Variants in CYP2C19 observed in about 807,000 individuals in gnomAD.
CYP2C19 encodes cytochrome P450 family 2 subfamily C member 19, also known as cytochrome P450 2C19.
In CYP2C19, 59 loss-of-function variants were observed where a neutral mutation model predicts 40.9. The observed-to-expected ratio is 1.44, with a 90% CI of 1.17 to 1.79. The LOEUF is 1.79. Among genes scored for constraint, CYP2C19 ranks in the 40% most tolerant of loss-of-function variants. The pLI is 0.00. For synonymous variants in CYP2C19, 253 were observed against 208.7 expected (o/e 1.21, Z -1.83); for missense variants, 754 against 596.9 (o/e 1.26, Z -2.74).
chr10:94,791,033 C>G (rs1848598951), intron 5 of CYP2C19, among the ~76,000 whole-genome samples: 1 of 152,090 alleles, frequency 6.6e-6, no homozygotes, highest in Non-Finnish European at 1.5e-5. Flanking sequence ...TAATTATTGC[C>G]TCAATTTCAG....
Position 94,818,613 on chromosome 10 carries a change from G to T in CYP2C19, c.820-1883G>T, listed in dbSNP as rs534359723. ...CTTGAAGAGGTCCTTCACATCCCTTGTAAGTTGGATTCCTAGGTATTTTAT... is the reference window on the plus strand; with the variant it reads ...CTTGAAGAGGTCCTTCACATCCCTTTTAAGTTGGATTCCTAGGTATTTTAT... On this transcript the variant is annotated intron_variant, in intron 5 of 8. Transcript: ENST00000371321. Among the ~76,000 whole-genome samples the T allele has an allele frequency of 2.3e-3, 331 of 145,398 alleles. 1 individual carries two copies. Among genetic ancestry groups the T allele is most frequent in the African/African-American group, 8.0e-3 (310 of 38,722 alleles).
Position 94,854,362 on chromosome 10 carries a change from A to G in CYP2C19, c.*1448A>G, listed in dbSNP as rs989348179. The stretch of plus-strand genomic sequence containing the variant: ...GAATTACCAGGGTTTAATCTTTTTC[A>G]GCTTCTCCTATATTGTTTTAGTTTT... On this transcript the variant is annotated 3_prime_UTR_variant, in exon 9 of 9. Transcript: ENST00000371321. 6.6e-6 allele frequency among the ~76,000 whole-genome samples: 1 copy of G among 152,060 alleles called. No homozygotes were observed. Among genetic ancestry groups the G allele is most frequent in the African/African-American group, 2.4e-5 (1 of 41,406 alleles).
At position 94,783,892 on chromosome 10, in the gene CYP2C19, C is replaced by T. The variant is rs369464084; in HGVS notation, c.819+1895C>T. On this transcript the variant is annotated intron_variant, in intron 5 of 8. Transcript: ENST00000371321. Reference sequence around the variant, plus strand: ...TAAATCTGTAGAACAGGGAGTTATGCCATTTTAAAAATTGAAGTAAAATTC... The same window carrying T: ...TAAATCTGTAGAACAGGGAGTTATGTCATTTTAAAAATTGAAGTAAAATTC... Among the ~76,000 whole-genome samples the T allele has an allele frequency of 1.6e-4, 25 of 152,170 alleles. No individual in the cohort carries two copies. In the South Asian group the frequency reaches 4.6e-3, roughly 28 times the overall value.
intron 1 of CYP2C19, among the ~76,000 whole-genome samples, chr10:94,771,759 A>G (rs747374956): frequency 1.3e-5 from 2 of 152,094 alleles, no homozygotes; most frequent in Non-Finnish European, 2.9e-5. Context: ...AGTTGCACTC[A>G]CTGATGCAGC....
At chr10:94,836,478 C>T (rs1484691922) in intron 6 of CYP2C19, among the ~76,000 whole-genome samples, 1 of 152,154 alleles carries the variant, frequency 6.6e-6, no homozygotes, top group African/African-American at 2.4e-5. Flanking sequence ...TTCTTTAGGG[C>T]CTGGAAAGCC....
At chr10:94,812,671 A>G (rs1159240422) in intron 5 of CYP2C19, among the ~76,000 whole-genome samples, 4 of 151,782 alleles carry the variant, frequency 2.6e-5, no homozygotes, top group Admixed American at 1.3e-4. Context: ...CAATTTGGCT[A>G]TTGATATTTA....
At chr10:94,835,284 G>A (rs182836777) in intron 6 of CYP2C19, among the ~76,000 whole-genome samples, 10 of 152,242 alleles carry the variant, frequency 6.6e-5, no homozygotes, top group Admixed American at 2.6e-4. Context: ...TAATAATTTG[G>A]CCATCTGATG....
chr10:94,832,735 G>T (rs1215986037), intron 6 of CYP2C19, among the ~76,000 whole-genome samples: 1 of 151,758 alleles, frequency 6.6e-6, no homozygotes. Flanking sequence ...TGATAGTTTT[G>T]ACTATTCTGG....
intron 5 of CYP2C19, among the ~76,000 whole-genome samples, chr10:94,793,877 T>G (rs931771708): frequency 1.3e-5 from 2 of 152,190 alleles, no homozygotes; most frequent in African/African-American, 4.8e-5. Context: ...AACACCACTT[T>G]CTTCAAAGCT....
chr10:94,774,318 G>A (rs997958320), intron 1 of CYP2C19: 1 of 152,154 alleles, frequency 6.6e-6, no homozygotes, highest in Non-Finnish European at 1.5e-5. Flanking sequence ...GGAGGAATAA[G>A]TAATGAGTGA....
At chr10:94,805,653 G>C (rs112790223) in intron 5 of CYP2C19, among the ~76,000 whole-genome samples, 4,817 of 152,240 alleles carry the variant, frequency 0.032, 124 homozygotes, top group Middle Eastern at 0.13. Context: ...GGAGGTTGAG[G>C]TGGGCAGATT....
At chr10:94,794,239 T>A (rs1326830763) in intron 5 of CYP2C19, among the ~76,000 whole-genome samples, 1 of 152,092 alleles carries the variant, frequency 6.6e-6, no homozygotes, top group East Asian at 1.9e-4. Context: ...AGTGTCCCAA[T>A]TTTCCAGGAA....
At chr10:94,820,060 TC>T (rs1306013977) in intron 5 of CYP2C19, among the ~76,000 whole-genome samples, 4 of 150,046 alleles carry the variant, frequency 2.7e-5, no homozygotes, top group Non-Finnish European at 5.9e-5. Context: ...GTGGGCTTCA[TC>T]CCTGGGATGC....
chr10:94,780,354 G>A, intron 3 of CYP2C19, 145 bp from the exon 4 acceptor site: 2 of 988,094 alleles, frequency 2.0e-6, no homozygotes, highest in Admixed American at 2.8e-5. Context: ...TTGATTTTAT[G>A]CATGCCAAAC....
chr10:94,771,243 G>T (rs1848326370), intron 1 of CYP2C19, among the ~76,000 whole-genome samples: 1 of 152,024 alleles, frequency 6.6e-6, no homozygotes, highest in Non-Finnish European at 1.5e-5. Context: ...GTCCTTTGGA[G>T]ATTTCTTTGC....
intron 1 of CYP2C19, chr10:94,773,960 C>A (rs1004389705): frequency 6.6e-6 from 1 of 152,136 alleles, no homozygotes; most frequent in Non-Finnish European, 1.5e-5. Context: ...TTACAGAGTG[C>A]TGATTGGTGT....
intron 5 of CYP2C19, among the ~76,000 whole-genome samples, chr10:94,805,598 T>C (rs539025732): frequency 3.9e-5 from 6 of 152,256 alleles, no homozygotes; most frequent in Admixed American, 1.3e-4. Context: ...TAATAGTAAC[T>C]CTTGGCCGGG....
chr10:94,847,828 GTGA>G (rs1224980467), intron 7 of CYP2C19, among the ~76,000 whole-genome samples: 2 of 152,212 alleles, frequency 1.3e-5, no homozygotes, highest in African/African-American at 2.4e-5. Context: ...GTGATGGCCA[GTGA>G]TGATGAGCAT....
intron 6 of CYP2C19, among the ~76,000 whole-genome samples, chr10:94,822,643 T>C (rs1036425264): frequency 4.6e-5 from 7 of 152,192 alleles, no homozygotes; most frequent in African/African-American, 1.7e-4. Flanking sequence ...TTCAGAAATA[T>C]CCAAACTGCT....
Sources: gnomAD v4.1 joint callset for allele counts (sites outside exome capture counted in the v4.1 genomes callset) on GRCh38, gnomAD v4.1.1 for gene constraint, MANE v1.5 for transcripts, NCBI Gene and HGNC (gene_info 2026-07-23, HGNC 2026-07-21) for gene names.